The following AVL9 variants were observed in gnomAD, a reference collection of about 807,000 sequenced individuals.
AVL9 encodes AVL9 cell migration associated.
Under a neutral mutation model 79.2 loss-of-function variants are expected in AVL9, and 49 were observed. The observed-to-expected ratio is 0.62, with a 90% CI of 0.49 to 0.79. The LOEUF (loss-of-function observed/expected upper bound fraction) is 0.79. Ranked by LOEUF, AVL9 falls within the 30% of genes least tolerant of loss-of-function variation. The pLI is 0.00. For synonymous variants in AVL9, 299 were observed against 280.6 expected (o/e 1.07, Z -0.65); for missense variants, 682 against 776.8 (o/e 0.88, Z 1.45).
chr7:32,537,487 CAG>C (rs1400963483), intron 1 of AVL9: 2 of 98,130 alleles, frequency 2.0e-5, no homozygotes, highest in African/African-American at 4.1e-5. Context: ...TTTTTTTAGA[CAG>C]AGTCTCTCTG....
intron 15 of AVL9, among the ~76,000 whole-genome samples, chr7:32,582,432 A>C (rs912028465): frequency 2.0e-5 from 3 of 152,270 alleles, no homozygotes; most frequent in Non-Finnish European, 4.4e-5. Flanking sequence ...CCACTAGATT[A>C]GTTTTATTGC....
chr7:32,580,281 T>G lies in AVL9; in HGVS notation c.1742+9T>G, dbSNP rs544813713. On this transcript the variant is annotated intron_variant, in intron 14 of 15. Transcript: ENST00000318709. ...AAGTTAAGGTTCTCACAGTAAGTAC[T>G]TAGAGAAAATACTGGGAAAATTCTT... The G allele has an allele frequency of 1.2e-6, 2 of 1,602,064 alleles. No individual in the cohort carries two copies. The highest frequency in any genetic ancestry group is 2.7e-5 in the African/African-American group (2 of 74,530).
chr7:32,497,950 C>A (rs944910832), intron 1 of AVL9, among the ~76,000 whole-genome samples: 1 of 152,070 alleles, frequency 6.6e-6, no homozygotes, highest in Non-Finnish European at 1.5e-5. Flanking sequence ...CACGCCCAGT[C>A]ATGACCATTA....
At chr7:32,496,416 A>G (rs1003880716) in intron 1 of AVL9, among the ~76,000 whole-genome samples, 2 of 152,194 alleles carry the variant, frequency 1.3e-5, no homozygotes, top group African/African-American at 4.8e-5. Flanking sequence ...CCTTTTGGTG[A>G]GAGATTAATC....
intron 1 of AVL9, among the ~76,000 whole-genome samples, chr7:32,506,758 A>G (rs1450168732): frequency 6.6e-6 from 1 of 151,898 alleles, no homozygotes; most frequent in Non-Finnish European, 1.5e-5. Context: ...AAAAAAAAAA[A>G]AGAAAGTGAA....
intron 1 of AVL9, among the ~76,000 whole-genome samples, chr7:32,515,279 G>A (rs560495163): frequency 1.3e-5 from 2 of 152,156 alleles, no homozygotes; most frequent in Non-Finnish European, 1.5e-5. Context: ...ATTGGCAACC[G>A]ATGAAAGAGA....
rs1791282995 is a variant in AVL9 at position 32,579,428 on chromosome 7, A to ATAT, written c.1689-790_1689-788dup. Among the ~76,000 whole-genome samples the ATAT allele has an allele frequency of 6.1e-4, 2 of 3,286 alleles. 1 individual carries two copies. Among genetic ancestry groups the ATAT allele is most frequent in the East Asian group, 0.019 (2 of 104 alleles). 2.2% of individuals were successfully genotyped at this position (3,286 alleles called of 152,430 possible). On this transcript the variant is annotated intron_variant, in intron 13 of 15. Coordinates refer to ENST00000318709, the MANE Select transcript of AVL9 (RefSeq NM_015060.3). ...TTATATATAATATGTTATATATATA[A>ATAT]TATATATATTATATATAATATATTA...
chr7:32,561,637 TAAA>T (rs374436918), intron 10 of AVL9, among the ~76,000 whole-genome samples: 1 of 150,830 alleles, frequency 6.6e-6, no homozygotes, highest in Admixed American at 6.6e-5. Flanking sequence ...TTCACTGGTT[TAAA>T]AAACAAAACA....
intron 3 of AVL9, among the ~76,000 whole-genome samples, chr7:32,548,373 C>G (rs139463974): frequency 6.6e-6 from 1 of 152,018 alleles, no homozygotes; most frequent in Non-Finnish European, 1.5e-5. Context: ...GTCTCAAACT[C>G]CTGGCCTCAG....
intron 1 of AVL9, among the ~76,000 whole-genome samples, chr7:32,523,909 A>G (rs1306573085): frequency 5.3e-5 from 8 of 151,114 alleles, no homozygotes; most frequent in African/African-American, 1.9e-4. Flanking sequence ...AATTTTTTGT[A>G]TTTTTAGTAG....
chr7:32,564,689 G>A (rs1472589742), intron 10 of AVL9, among the ~76,000 whole-genome samples: 1 of 152,168 alleles, frequency 6.6e-6, no homozygotes, highest in Non-Finnish European at 1.5e-5. Flanking sequence ...CTATGTAAAT[G>A]CTGTGAATAC....
At chr7:32,573,088 T>C in intron 11 of AVL9, 111 bp from the exon 12 acceptor site, 1 of 764,224 alleles carries the variant, frequency 1.3e-6, no homozygotes, top group South Asian at 1.7e-5. Flanking sequence ...AGAATGCCAT[T>C]ATTCATATTT....
chr7:32,525,128 G>C (rs1206110327), intron 1 of AVL9, among the ~76,000 whole-genome samples: 1 of 152,186 alleles, frequency 6.6e-6, no homozygotes, highest in Non-Finnish European at 1.5e-5. Context: ...TGTTTGGAAG[G>C]CTGCTGCTCT....
Position 32,580,254 on chromosome 7 carries a change from TG to T in AVL9, c.1725del (p.Met575IlefsTer3). On this transcript the variant is annotated frameshift_variant, in exon 14 of 16. Coordinates refer to ENST00000318709, the MANE Select transcript of AVL9 (RefSeq NM_015060.3). LOFTEE classifies it high-confidence loss of function. ...CAAGGCCAATACTCAGTATCAGACATGAAGTTAAGGTTCTCACAGTAAGTAC... is the reference window on the plus strand; with the variant it reads ...CAAGGCCAATACTCAGTATCAGACATAAGTTAAGGTTCTCACAGTAAGTAC... ...PFQGQYSVSD[M>X]KLRFSHSVQN... is the part of the protein sequence containing the mutation. The T allele has an allele frequency of 6.2e-7, 1 of 1,612,458 alleles. No individual in the cohort carries two copies. The highest frequency in any genetic ancestry group is 8.5e-7 in the Non-Finnish European group (1 of 1,179,318).
At position 32,588,179 on chromosome 7, in the gene AVL9, T is replaced by G. The variant is rs2128160980; in HGVS notation, c.*4272T>G. ...ACCCACGTAGTATGCTGCTCAAATT[T>G]TTTCGTGTGTGCAAATGTGAACATT... On this transcript the variant is annotated 3_prime_UTR_variant, in exon 16 of 16. Transcript: ENST00000318709. The G allele has an allele frequency of 6.6e-6, 1 of 152,326 alleles. No homozygotes were observed. The highest frequency in any genetic ancestry group is 2.4e-5 in the African/African-American group (1 of 41,576). 9.4% of individuals were successfully genotyped at this position (152,326 alleles called of 1,614,324 possible).
intron 1 of AVL9, among the ~76,000 whole-genome samples, chr7:32,498,353 A>T (rs1786958518): frequency 6.9e-6 from 1 of 144,092 alleles, no homozygotes; most frequent in African/African-American, 2.6e-5. Context: ...GGTTCAAGTG[A>T]TTCTCCTGCC....
At chr7:32,568,952 C>G (rs868405583) in intron 10 of AVL9, among the ~76,000 whole-genome samples, 2 of 152,098 alleles carry the variant, frequency 1.3e-5, no homozygotes, top group African/African-American at 4.8e-5. Context: ...AGAATATAAC[C>G]AAATTACCAG....
chr7:32,558,746 C>T lies in AVL9; in HGVS notation c.679+118C>T, dbSNP rs1790195073. 5.7e-6 allele frequency: 6 copies of T among 1,050,614 alleles called. No homozygotes were observed. In the South Asian group the frequency reaches 8.5e-5, roughly 15 times the overall value. The allele number at this position is 1,050,614 out of a possible 1,614,324, so 65.1% of individuals were successfully genotyped here. ...GGTTATCCTTTCTATTTTAATATGA[C>T]GTCTTCCTTTTGGAAATAGGTTTCT... is the stretch of plus-strand genomic sequence containing the variant. On this transcript the variant is annotated intron_variant, in intron 9 of 15. Coordinates refer to ENST00000318709, the MANE Select transcript of AVL9 (RefSeq NM_015060.3).
chr7:32,509,722 G>A (rs185994724), intron 1 of AVL9, among the ~76,000 whole-genome samples: 2 of 152,216 alleles, frequency 1.3e-5, no homozygotes, highest in East Asian at 3.9e-4. Context: ...GTGGTGGCGG[G>A]CGCCTGTAAT....
Sources: gnomAD v4.1 joint callset for allele counts (sites outside exome capture counted in the v4.1 genomes callset) on GRCh38, gnomAD v4.1.1 for gene constraint, MANE v1.5 for transcripts, NCBI Gene and HGNC (gene_info 2026-07-23, HGNC 2026-07-21) for gene names.